Variants in IQUB observed in about 807,000 individuals in gnomAD.
The protein encoded by IQUB is IQ motif and ubiquitin domain containing.
IQUB carries 86 observed loss-of-function variants against 86.4 expected under a neutral mutation model. The ratio of observed to expected loss-of-function variants is 1.00; its 90% CI spans 0.84 to 1.19. The LOEUF is 1.19. Among genes scored for constraint, IQUB ranks in the 50% most tolerant of loss-of-function variants. The pLI, the probability that IQUB is intolerant of heterozygous loss-of-function variation, is 0.00. For synonymous variants in IQUB, 289 were observed against 304.5 expected, an observed-to-expected ratio of 0.95 and a Z score of 0.53; for missense variants, 946 against 916.9, an observed-to-expected ratio of 1.03 and a Z score of -0.41.
intron 1 of IQUB, among the ~76,000 whole-genome samples, chr7:123,514,397 A>G (rs1486297907): frequency 6.6e-6 from 1 of 152,204 alleles, no homozygotes; most frequent in Non-Finnish European, 1.5e-5. Context: ...AATATACTCA[A>G]AGGAGGAAAA....
intron 1 of IQUB, among the ~76,000 whole-genome samples, chr7:123,527,217 C>T (rs1205561652): frequency 2.0e-5 from 3 of 152,158 alleles, no homozygotes; most frequent in South Asian, 2.1e-4. Flanking sequence ...TACATTCTTC[C>T]AAATTTTTTT....
rs373146060 is a variant in IQUB at position 123,461,494 on chromosome 7, G to A, written c.1870C>T (p.Arg624Trp). The A allele has an allele frequency of 1.6e-4, 258 of 1,612,320 alleles. No individual in the cohort carries two copies. The South Asian group carries it at 2.1e-3, about 13-fold the overall frequency. The change falls in exon 11 of 13, where the codon CGG becomes TGG. Residue 624 changes from arginine (R) to tryptophan (W), a missense_variant. Arg to Trp is a moderately radical substitution (Grantham distance 101, BLOSUM62 -3). Coordinates refer to ENST00000324698, the MANE Select transcript of IQUB (RefSeq NM_178827.5). ...SVSSTSRRIY[R>W]CRNCINLQNE... ...TGAAGGTTAATGCAGTTACGACACC[G>A]GTATATGCGGCGTGAGGTGGATGAT...
intron 8 of IQUB, among the ~76,000 whole-genome samples, chr7:123,479,476 A>G (rs1238908744): frequency 6.6e-6 from 1 of 152,066 alleles, no homozygotes; most frequent in African/African-American, 2.4e-5. Flanking sequence ...CACAGTATAC[A>G]ACTTATCTAA....
chr7:123,496,965 T>C (rs1795732650), intron 6 of IQUB, 59 bp from the exon 7 acceptor site: 3 of 1,030,372 alleles, frequency 2.9e-6, no homozygotes, highest in Middle Eastern at 2.4e-4. Context: ...GATCAGACAA[T>C]AAAGGCAATG....
intron 7 of IQUB, among the ~76,000 whole-genome samples, chr7:123,490,640 A>G (rs1022868943): frequency 7.2e-5 from 11 of 152,322 alleles, no homozygotes; most frequent in Middle Eastern, 3.4e-3. Flanking sequence ...TTTGTATTCT[A>G]GTTGTTAAAA....
chr7:123,519,111 C>T (rs751376778), intron 1 of IQUB, among the ~76,000 whole-genome samples: 4 of 152,060 alleles, frequency 2.6e-5, no homozygotes, highest in Non-Finnish European at 4.4e-5. Context: ...CACAATAAGA[C>T]ATCATCTCAC....
chr7:123,521,016 A>T (rs1486482943), intron 1 of IQUB, among the ~76,000 whole-genome samples: 1 of 152,118 alleles, frequency 6.6e-6, no homozygotes, highest in Non-Finnish European at 1.5e-5. Flanking sequence ...GATCAGTCTG[A>T]TTTGGGGTAT....
chr7:123,505,208 G>T (rs914375464), intron 3 of IQUB, among the ~76,000 whole-genome samples: 8 of 152,158 alleles, frequency 5.3e-5, no homozygotes, highest in Admixed American at 4.6e-4. Context: ...GGCTCAGCTC[G>T]CATGGCTGCT....
Position 123,461,640 on chromosome 7 carries a change from A to G in IQUB, c.1759-35T>C, listed in dbSNP as rs201105639. The G allele has an allele frequency of 1.1e-3, 1,609 of 1,504,840 alleles. 3 individuals carry two copies. Among genetic ancestry groups the G allele is most frequent in the Non-Finnish European group, 1.2e-3 (1,392 of 1,127,006 alleles). 93.2% of individuals were successfully genotyped at this position (1,504,840 alleles called of 1,614,324 possible). A position where few individuals can be genotyped will look rare whatever the true frequency, so the allele number is the denominator to read the frequency against. On this transcript the variant is annotated intron_variant, in intron 10 of 12. Coordinates refer to ENST00000324698, the MANE Select transcript of IQUB (RefSeq NM_178827.5). ...TAGTAAAAAAAGAAAAAAAAGGTCT[A>G]AAAAGCCAGGCCAGGCCAAATATGA...
intron 1 of IQUB, among the ~76,000 whole-genome samples, chr7:123,525,060 C>A (rs1797126268): frequency 6.6e-6 from 1 of 152,184 alleles, no homozygotes. Context: ...CCCACTTGAT[C>A]ATGTTGGATA....
intron 12 of IQUB, among the ~76,000 whole-genome samples, chr7:123,454,046 A>C (rs1054383264): frequency 1.2e-4 from 19 of 152,144 alleles, no homozygotes; most frequent in African/African-American, 4.6e-4. Context: ...AAGATAAAAG[A>C]AAGTCCTGGG....
chr7:123,474,059 TA>T (rs1480026954), intron 8 of IQUB, among the ~76,000 whole-genome samples: 1 of 152,194 alleles, frequency 6.6e-6, no homozygotes, highest in Non-Finnish European at 1.5e-5. Flanking sequence ...TAAGACTGTA[TA>T]ATTCATTATT....
At chr7:123,453,336 C>T (rs1246067727) in intron 12 of IQUB, among the ~76,000 whole-genome samples, 1 of 143,172 alleles carries the variant, frequency 7.0e-6, no homozygotes, top group African/African-American at 2.5e-5. Flanking sequence ...AAAAACAAAA[C>T]AAAACAAGGG....
chr7:123,465,272 C>A (rs1355392771), intron 9 of IQUB, among the ~76,000 whole-genome samples: 1 of 151,744 alleles, frequency 6.6e-6, no homozygotes, highest in Non-Finnish European at 1.5e-5. Flanking sequence ...ATAACAGATA[C>A]AGTACAATTC....
In IQUB at chr7:123,464,854, A is replaced by G; in HGVS notation, c.1737T>C (p.Pro579=). ...ATACCTTAAGGTATTTTGCAACTTC[A>G]GGATTAAACAGAGGTGTTTTGATAT... is the stretch of plus-strand genomic sequence containing the variant. ...FHYIKTPLFN[P]EVAKYLKVPQ... The change falls in exon 10 of 13, where the codon CCT becomes CCC. Residue 579 remains proline, a synonymous_variant. Coordinates refer to ENST00000324698, the MANE Select transcript of IQUB (RefSeq NM_178827.5). 6.3e-7 allele frequency: 1 copy of G among 1,584,190 alleles called. No individual in the cohort carries two copies. The highest frequency in any genetic ancestry group is 1.2e-5 in the South Asian group (1 of 85,144).
chr7:123,482,335 T>C (rs193050032), intron 7 of IQUB, among the ~76,000 whole-genome samples: 11 of 152,120 alleles, frequency 7.2e-5, no homozygotes, highest in African/African-American at 2.4e-4. Flanking sequence ...AAAAATTAAA[T>C]TGTCATACAT....
intron 1 of IQUB, among the ~76,000 whole-genome samples, chr7:123,523,606 C>G (rs1279735837): frequency 6.6e-6 from 1 of 151,410 alleles, no homozygotes; most frequent in Non-Finnish European, 1.5e-5. Flanking sequence ...GATATTAGCC[C>G]TTTGTCAGAT....
At chr7:123,513,116 T>C (rs1796500497) in intron 1 of IQUB, among the ~76,000 whole-genome samples, 1 of 152,136 alleles carries the variant, frequency 6.6e-6, no homozygotes. Context: ...TATGAAACCT[T>C]GAAACAGTAG....
intron 2 of IQUB, 49 bp from the exon 3 acceptor site, chr7:123,510,084 T>A (rs1473347774): frequency 8.2e-7 from 1 of 1,222,654 alleles, no homozygotes; most frequent in African/African-American, 1.5e-5. Context: ...ATAGCAAAGG[T>A]CAGCAAACTA....
Sources: gnomAD v4.1 joint callset for allele counts (sites outside exome capture counted in the v4.1 genomes callset) on GRCh38, gnomAD v4.1.1 for gene constraint, MANE v1.5 for transcripts, NCBI Gene and HGNC (gene_info 2026-07-23, HGNC 2026-07-21) for gene names.